The following FMN2 variants were observed in gnomAD, a reference collection of about 807,000 sequenced individuals.
FMN2 encodes formin 2.
In FMN2, 51 loss-of-function variants were observed where a neutral mutation model predicts 142.3. That is an observed-to-expected ratio of 0.36 (90% CI 0.29 to 0.45). The LOEUF (loss-of-function observed/expected upper bound fraction) is 0.45. FMN2 is among the 20% of genes least tolerant of loss of function. The pLI, the probability that FMN2 is intolerant of heterozygous loss-of-function variation, is 1.00. For synonymous variants in FMN2, 882 were observed against 869.8 expected, an observed-to-expected ratio of 1.01 and a Z score of -0.25; for missense variants, 1,936 against 2,122.8, an observed-to-expected ratio of 0.91 and a Z score of 1.73.
chr1:240,422,022 G>A (rs962102779), intron 15 of FMN2, among the ~76,000 whole-genome samples: 6 of 152,150 alleles, frequency 3.9e-5, no homozygotes, highest in Non-Finnish European at 7.3e-5. Flanking sequence ...CCTGCATGGG[G>A]AGAGAGGAGA....
intron 6 of FMN2, chr1:240,245,380 C>T: frequency 2.5e-6 from 1 of 401,218 alleles, no homozygotes; most frequent in Non-Finnish European, 5.0e-6. Flanking sequence ...TGAGAACTTG[C>T]AGCAGGGTGG....
chr1:240,127,471 G>C lies in FMN2; in HGVS notation c.1782+4126G>C, dbSNP rs554977643. On this transcript the variant is annotated intron_variant, in intron 2 of 17. Transcript: ENST00000319653. ...GGATCACCTGGCCTGGTCTTGGTTT[G>C]CTTGTTGTGGTGGTGGTTGTTTTTG... Among the ~76,000 whole-genome samples, 3 of 151,738 alleles carry C rather than the reference G, an allele frequency of 2.0e-5. No individual in the cohort carries two copies. In the South Asian group the frequency reaches 6.3e-4, roughly 32 times the overall value.
intron 8 of FMN2, among the ~76,000 whole-genome samples, chr1:240,300,941 T>C (rs1432270248): frequency 6.6e-6 from 1 of 151,562 alleles, no homozygotes; most frequent in Non-Finnish European, 1.5e-5. Context: ...TCAACTTCCC[T>C]GTGTCTCTGT....
At chr1:240,176,652 A>AT (rs1289426800) in intron 2 of FMN2, among the ~76,000 whole-genome samples, 4 of 152,208 alleles carry the variant, frequency 2.6e-5, no homozygotes, top group Admixed American at 6.5e-5. Flanking sequence ...AACATTCATT[A>AT]TGTTAATTAA....
At chr1:240,121,812 T>G (rs1662271378) in intron 1 of FMN2, among the ~76,000 whole-genome samples, 1 of 138,216 alleles carries the variant, frequency 7.2e-6, no homozygotes, top group Non-Finnish European at 1.5e-5. Context: ...CTGAGGAGCA[T>G]CTGAGAGAAA....
intron 3 of FMN2, among the ~76,000 whole-genome samples, chr1:240,185,348 C>T (rs745770725): frequency 6.6e-6 from 1 of 151,902 alleles, no homozygotes; most frequent in African/African-American, 2.4e-5. Context: ...AAATCTTGAC[C>T]CTCTAGAACT....
chr1:240,405,664 G>C (rs1221954341), intron 15 of FMN2, among the ~76,000 whole-genome samples: 4 of 151,660 alleles, frequency 2.6e-5, no homozygotes, highest in Admixed American at 2.6e-4. Flanking sequence ...TCATGTTCCA[G>C]ATCCATTAGG....
At chr1:240,365,320 T>TAC (rs144579291) in intron 14 of FMN2, among the ~76,000 whole-genome samples, 2 of 129,052 alleles carry the variant, frequency 1.5e-5, no homozygotes, top group Non-Finnish European at 3.3e-5. Flanking sequence ...CACATATATA[T>TAC]ACACACACAC....
intron 16 of FMN2, chr1:240,472,012 GAATC>G (rs1198706745): frequency 5.1e-5 from 9 of 177,188 alleles, no homozygotes; most frequent in Non-Finnish European, 1.2e-5. Flanking sequence ...TTATATAATA[GAATC>G]AATCTCATAC....
intron 13 of FMN2, among the ~76,000 whole-genome samples, chr1:240,353,669 T>C (rs574757499): frequency 3.4e-4 from 52 of 152,198 alleles, no homozygotes; most frequent in Middle Eastern, 3.2e-3. Context: ...AATCTCTTTG[T>C]AGTTCATTTT....
intron 6 of FMN2, among the ~76,000 whole-genome samples, chr1:240,226,795 G>A (rs140933610): frequency 3.4e-5 from 5 of 146,828 alleles, no homozygotes; most frequent in African/African-American, 1.0e-4. Flanking sequence ...TTACCAAATC[G>A]TATACACTTT....
intron 2 of FMN2, among the ~76,000 whole-genome samples, chr1:240,159,517 G>A (rs755563691): frequency 6.6e-6 from 1 of 152,042 alleles, no homozygotes; most frequent in African/African-American, 2.4e-5. Context: ...CTAAGAGTCA[G>A]GTATTACTTT....
chr1:240,351,779 T>G (rs975016449), intron 13 of FMN2, among the ~76,000 whole-genome samples: 2 of 152,162 alleles, frequency 1.3e-5, no homozygotes, highest in African/African-American at 4.8e-5. Context: ...AAGTCCTCCT[T>G]TAAGTCACCA....
intron 2 of FMN2, among the ~76,000 whole-genome samples, chr1:240,169,321 C>T (rs963984331): frequency 2.0e-5 from 3 of 152,156 alleles, no homozygotes; most frequent in Non-Finnish European, 4.4e-5. Context: ...ACTTGGCAGT[C>T]TTGTCTCAGA....
At chr1:240,299,099 C>T (rs984591896) in intron 8 of FMN2, among the ~76,000 whole-genome samples, 4 of 151,958 alleles carry the variant, frequency 2.6e-5, no homozygotes, top group East Asian at 3.9e-4. Context: ...AGGCACCCAC[C>T]GCCACACCGG....
At chr1:240,400,711 A>G (rs1337270258) in intron 15 of FMN2, 1 of 152,060 alleles carries the variant, frequency 6.6e-6, no homozygotes, top group Admixed American at 6.6e-5. Context: ...CTCTCTCCCC[A>G]TGTAAATTTC....
Position 240,258,023 on chromosome 1 carries a change from A to T in FMN2, c.4144A>T (p.Ile1382Leu). The change falls in exon 7 of 18, where the codon ATA becomes TTA. Residue 1382 changes from isoleucine to leucine, a missense_variant. This residue lies in a region of FMN2 where 322 missense variants were observed against 401.6 expected (regional missense o/e 0.80). Transcript: ENST00000319653. ...TAGCCTTCATTTAGATATGAAAGAC[A>T]TACAACATGGTAAGTGTCAAAATGA... ...MSSLHLDMKDIQHAVVNLDNS... is the reference protein window; with the variant it reads ...MSSLHLDMKDLQHAVVNLDNS... 1.9e-6 allele frequency: 3 copies of T among 1,610,388 alleles called. No individual in the cohort carries two copies. Among genetic ancestry groups the T allele is most frequent in the African/African-American group, 1.3e-5 (1 of 74,958 alleles).
chr1:240,342,952 G>C (rs986422625), intron 13 of FMN2, among the ~76,000 whole-genome samples: 2 of 151,896 alleles, frequency 1.3e-5, no homozygotes, highest in South Asian at 2.1e-4. Context: ...CGAAAGATCT[G>C]TAAAATTCTC....
In FMN2 at chr1:240,370,780, C is replaced by T. The variant is rs139741182; in HGVS notation, c.4858+14872C>T. ...TTCCTCATCACCGCCATTCTGTTAC[C>T]GTATAATCACCAATAACCTGATAGT... On this transcript the variant is annotated intron_variant, in intron 14 of 17. Coordinates refer to ENST00000319653, the MANE Select transcript of FMN2 (RefSeq NM_020066.5). Among the ~76,000 whole-genome samples, 177 of 152,168 alleles carry T rather than the reference C, an allele frequency of 1.2e-3. 1 individual carries two copies. Among genetic ancestry groups the T allele is most frequent in the African/African-American group, 4.1e-3 (169 of 41,512 alleles).
Sources: gnomAD v4.1 joint callset for allele counts (sites outside exome capture counted in the v4.1 genomes callset) on GRCh38, gnomAD v4.1.1 for gene constraint, gnomAD v4.1.1 regional missense constraint, MANE v1.5 for transcripts, NCBI Gene and HGNC (gene_info 2026-07-23, HGNC 2026-07-21) for gene names.